The following ESRP1 variants were observed in gnomAD, a reference collection of about 807,000 sequenced individuals.
The protein encoded by ESRP1 is epithelial splicing regulatory protein 1.
ESRP1 carries 33 observed loss-of-function variants against 81.7 expected under a neutral mutation model. The ratio of observed to expected loss-of-function variants is 0.40; its 90% CI spans 0.31 to 0.54. The LOEUF is 0.54. Ranked by LOEUF, ESRP1 falls within the 20% of genes least tolerant of loss-of-function variation. The probability of loss-of-function intolerance (pLI) is 0.41; values close to 1 mark genes in which losing one functional copy is unlikely to be tolerated. For missense variants in ESRP1, 672 were observed against 833.1 expected (o/e 0.81, Z 2.38); for synonymous variants, 320 against 303.3 (o/e 1.06, Z -0.57).
intron 13 of ESRP1, among the ~76,000 whole-genome samples, chr8:94,689,911 G>A (rs1809317633): frequency 6.7e-6 from 1 of 148,254 alleles, no homozygotes; most frequent in African/African-American, 2.5e-5. Flanking sequence ...CCATCTCCCA[G>A]GTTCATGCCA....
chr8:94,675,494 G>A (rs1334856945), intron 12 of ESRP1, among the ~76,000 whole-genome samples: 1 of 152,114 alleles, frequency 6.6e-6, no homozygotes, highest in Non-Finnish European at 1.5e-5. Context: ...ATTTCTAAAT[G>A]CTAATATTCC....
Position 94,646,897 on chromosome 8 carries a change from A to G in ESRP1, c.490+615A>G, listed in dbSNP as rs192130151. ...AATTACAAATCTATAATCATGAATG[A>G]CCCGTCATCTTACATTCATTAAGTC... On this transcript the variant is annotated intron_variant, in intron 4 of 15. Transcript: ENST00000433389. Among the ~76,000 whole-genome samples the G allele has an allele frequency of 2.4e-4, 37 of 152,340 alleles. No individual in the cohort carries two copies. In the East Asian group the frequency reaches 5.4e-3, roughly 22 times the overall value.
At position 94,681,721 on chromosome 8, in the gene ESRP1, G is replaced by A. The variant is rs79258987; in HGVS notation, c.1820+3350G>A. On this transcript the variant is annotated intron_variant, in intron 13 of 15. Transcript: ENST00000433389. ...CGGGAGGCCGAGGCAGGCAGATCAC[G>A]AGGTCAGGGGTTCAAGACCAGCCTG... Among the ~76,000 whole-genome samples, 445 of 152,248 alleles carry A rather than the reference G, an allele frequency of 2.9e-3. 4 individuals carry two copies. In the East Asian group the frequency reaches 0.035, roughly 12 times the overall value.
chr8:94,661,141 A>AG (rs1204730989), intron 4 of ESRP1, among the ~76,000 whole-genome samples: 1 of 152,234 alleles, frequency 6.6e-6, no homozygotes, highest in African/African-American at 2.4e-5. Flanking sequence ...CCCGGGTTCA[A>AG]GCGATTCTCT....
chr8:94,680,887 T>C (rs995904003), intron 13 of ESRP1, among the ~76,000 whole-genome samples: 2 of 152,088 alleles, frequency 1.3e-5, no homozygotes, highest in Non-Finnish European at 2.9e-5. Context: ...CTCTTGTGTT[T>C]TTCTTTATTT....
At chr8:94,641,935 C>A (rs200260350) in intron 1 of ESRP1, 21 bp from the exon 2 acceptor site, 5 of 1,612,792 alleles carry the variant, frequency 3.1e-6, no homozygotes, top group South Asian at 1.1e-5. Flanking sequence ...GAAACTGACC[C>A]GTGCTTCTCT....
chr8:94,703,153 TTTG>T (rs143247522), intron 15 of ESRP1, among the ~76,000 whole-genome samples: 2,761 of 148,536 alleles, frequency 0.019, 85 homozygotes, highest in African/African-American at 0.065. Flanking sequence ...GCAGTTTCTT[TTTG>T]TTGTTGTTGT....
At chr8:94,676,712 A>G (rs968487302) in intron 12 of ESRP1, among the ~76,000 whole-genome samples, 7 of 151,432 alleles carry the variant, frequency 4.6e-5, no homozygotes, top group Non-Finnish European at 8.8e-5. Context: ...GTTGGCCAGG[A>G]TGGTCTGGAT....
chr8:94,700,524 A>C (rs763418508), intron 15 of ESRP1, among the ~76,000 whole-genome samples: 1 of 152,230 alleles, frequency 6.6e-6, no homozygotes, highest in Admixed American at 6.5e-5. Context: ...AGCCGCACTG[A>C]CACAGTTTCT....
chr8:94,681,094 G>A (rs944537020), intron 13 of ESRP1, among the ~76,000 whole-genome samples: 1 of 151,766 alleles, frequency 6.6e-6, no homozygotes, highest in African/African-American at 2.4e-5. Flanking sequence ...GGGAGGCCAA[G>A]GTGGACGGAT....
intron 9 of ESRP1, among the ~76,000 whole-genome samples, chr8:94,666,041 A>G (rs966468170): frequency 1.3e-5 from 2 of 152,242 alleles, no homozygotes; most frequent in African/African-American, 4.8e-5. Context: ...AGGAAGTAAC[A>G]TGCATAAAAC....
intron 13 of ESRP1, among the ~76,000 whole-genome samples, chr8:94,681,153 G>A (rs558705833): frequency 3.3e-5 from 5 of 149,584 alleles, no homozygotes; most frequent in East Asian, 2.0e-4. Context: ...GTGAAACCCC[G>A]TCTCTACTAA....
chr8:94,667,070 T>TGTGTGTGTGTGTGTGTGTGTGTGC (rs1185594845), intron 9 of ESRP1, among the ~76,000 whole-genome samples: 3 of 107,946 alleles, frequency 2.8e-5, no homozygotes, highest in African/African-American at 9.5e-5. Context: ...AGGAGAGGGG[T>TGTGTGTGTGTGTGTGTGTGTGTGC]GTGTGTGTGT....
chr8:94,641,182 C>CT lies in ESRP1; in HGVS notation c.-136dup. Reference sequence around the variant, plus strand: ...GGGTGGTTGGTTACCGCCTTTTGCACTAGCAGTAGCAAGGAAGGGGGGTGG... The same window carrying CT: ...GGGTGGTTGGTTACCGCCTTTTGCACTTAGCAGTAGCAAGGAAGGGGGGTGG... On this transcript the variant is annotated 5_prime_UTR_variant, in exon 1 of 16. Transcript: ENST00000433389. 1 of 840,236 alleles carries CT rather than the reference C, an allele frequency of 1.2e-6. No individual in the cohort carries two copies. Among genetic ancestry groups the CT allele is most frequent in the East Asian group, 2.7e-5 (1 of 37,220 alleles). 52.0% of individuals were successfully genotyped at this position (840,236 alleles called of 1,614,324 possible).
At chr8:94,676,128 C>G (rs1819573092) in intron 12 of ESRP1, among the ~76,000 whole-genome samples, 1 of 152,104 alleles carries the variant, frequency 6.6e-6, no homozygotes, top group Non-Finnish European at 1.5e-5. Flanking sequence ...AATCCCAGCA[C>G]TTTAGGAGGC....
intron 15 of ESRP1, among the ~76,000 whole-genome samples, chr8:94,703,476 T>G (rs1039587606): frequency 6.6e-6 from 1 of 152,104 alleles, no homozygotes; most frequent in African/African-American, 2.4e-5. Flanking sequence ...ACAGTCAAAC[T>G]CCACTGGCAT....
chr8:94,653,628 G>T (rs1037735372), intron 4 of ESRP1, among the ~76,000 whole-genome samples: 2 of 152,100 alleles, frequency 1.3e-5, no homozygotes, highest in African/African-American at 2.4e-5. Flanking sequence ...TGAGACTAGA[G>T]GTAGACCTTT....
intron 3 of ESRP1, among the ~76,000 whole-genome samples, chr8:94,644,444 T>C (rs1438720586): frequency 6.6e-6 from 1 of 152,210 alleles, no homozygotes; most frequent in Admixed American, 6.5e-5. Context: ...AAGGAGTAAC[T>C]CAAGTTGTTA....
chr8:94,695,371 T>TTTTTTTTTTTTTTTTTTC lies in ESRP1; in HGVS notation c.1972-1480_1972-1479insTTTTTTTTTTTTTTTTCT, dbSNP rs1351009238. On this transcript the variant is annotated intron_variant, in intron 14 of 15. Transcript: ENST00000433389. ...TTCTTTTTTTTTTTTTTTTTTTTTTTTGAGACGGAGTCTCACTCTGTCGCC... is the reference window on the plus strand; with the variant it reads ...TTCTTTTTTTTTTTTTTTTTTTTTTTTTTTTTTTTTTTTTTTTCTGAGACGGAGTCTCACTCTGTCGCC... 5.4e-5 allele frequency among the ~76,000 whole-genome samples: 6 copies of TTTTTTTTTTTTTTTTTTC among 111,996 alleles called. 1 individual carries two copies. The highest frequency in any genetic ancestry group is 8.7e-5 in the Non-Finnish European group (5 of 57,732). The allele number at this position is 111,996 out of a possible 152,430, so 73.5% of individuals were successfully genotyped here.
Sources: allele counts gnomAD v4.1 joint callset (sites outside exome capture counted in the v4.1 genomes callset), GRCh38; gene constraint gnomAD v4.1.1; transcripts MANE v1.5; gene names NCBI Gene and HGNC (gene_info 2026-07-23, HGNC 2026-07-21).